The following NOP58 variants were observed in gnomAD, a reference collection of about 807,000 sequenced individuals.
NOP58 encodes NOP58 ribonucleoprotein.
NOP58 carries 44 observed loss-of-function variants against 71.2 expected under a neutral mutation model. The observed-to-expected ratio is 0.62, with a 90% CI of 0.49 to 0.79. The LOEUF is 0.79. Among genes scored for constraint, NOP58 ranks in the 30% least tolerant of loss-of-function variants. NOP58 has a pLI of 0.00. For synonymous variants in NOP58, 228 were observed against 200.3 expected, an observed-to-expected ratio of 1.14 and a Z score of -1.17; for missense variants, 538 against 620.2, an observed-to-expected ratio of 0.87 and a Z score of 1.41.
At chr2:202,303,254 G>A in intron 14 of NOP58, 132 bp from the exon 15 acceptor site, 1 of 1,403,682 alleles carries the variant, frequency 7.1e-7, no homozygotes. Flanking sequence ...TAAAAATCAA[G>A]TTTGCATTGA....
At chr2:202,299,005 G>C (rs1342010964) in intron 12 of NOP58, among the ~76,000 whole-genome samples, 2 of 135,090 alleles carry the variant, frequency 1.5e-5, no homozygotes, top group Non-Finnish European at 3.0e-5. Flanking sequence ...CTGTTGCCAG[G>C]CTGGAGTGCA....
At position 202,284,587 on chromosome 2, in the gene NOP58, C is replaced by A. The variant is rs1688760429; in HGVS notation, c.434+106C>A. ...ATGCTCATTTGAACCACATCAGAAC[C>A]TTATGAAGAAGATGATAGTAATATC... On this transcript the variant is annotated intron_variant, in intron 5 of 14. Transcript: ENST00000264279. 7 of 1,185,192 alleles carry A rather than the reference C, an allele frequency of 5.9e-6. 1 individual carries two copies. Among genetic ancestry groups the A allele is most frequent in the Non-Finnish European group, 4.8e-6 (4 of 842,092 alleles). 73.4% of individuals were successfully genotyped at this position (1,185,192 alleles called of 1,614,324 possible). A position where few individuals can be genotyped will look rare whatever the true frequency, so the allele number is the denominator to read the frequency against.
At position 202,291,126 on chromosome 2, in the gene NOP58, C is replaced by T. The variant is rs780518873; in HGVS notation, c.636C>T (p.Gly212=). ...LTYCKCLQKV[G]DRKNYASAKL... is the part of the protein sequence containing the mutation. The stretch of plus-strand genomic sequence containing the variant: ...TCATCCTCTGCAAACATTCCATAGG[C>T]GATAGGAAGAACTATGCCTCTGCCA... The change falls in exon 8 of 15, where the codon GGC becomes GGT. Residue 212 remains glycine (G), a splice_region_variant and synonymous_variant. Coordinates refer to ENST00000264279, the MANE Select transcript of NOP58 (RefSeq NM_015934.5). 1.9e-6 allele frequency: 3 copies of T among 1,599,976 alleles called. No homozygotes were observed. Among genetic ancestry groups the T allele is most frequent in the South Asian group, 2.3e-5 (2 of 88,134 alleles).
intron 1 of NOP58, among the ~76,000 whole-genome samples, chr2:202,267,303 G>A (rs1444251878): frequency 6.6e-6 from 1 of 152,174 alleles, no homozygotes; most frequent in Non-Finnish European, 1.5e-5. Context: ...TGGTGTGGAT[G>A]CAAGAAAGTC....
rs1344516212 is a variant in NOP58, at chr2:202,284,385, A to G, written c.338A>G (p.Asn113Ser). ...NLSCIHSPVV[N>S]ELMRGIRSQM... The stretch of plus-strand genomic sequence containing the variant: ...AGTTGTATCCATAGTCCTGTTGTTA[A>G]TGAACTTATGAGAGGAATTCGTTCA... The change falls in exon 5 of 15, where the codon AAT (asparagine) becomes AGT (serine). Residue 113 changes from asparagine to serine, a missense_variant. Asn to Ser is a conservative substitution (Grantham distance 46). Coordinates refer to ENST00000264279, the MANE Select transcript of NOP58 (RefSeq NM_015934.5). 16 of 1,613,272 alleles carry G rather than the reference A, an allele frequency of 9.9e-6. No individual in the cohort carries two copies. The highest frequency in any genetic ancestry group is 1.7e-5 in the Admixed American group (1 of 59,956).
At chr2:202,292,986 C>T (rs1301199354) in intron 9 of NOP58, 83 bp downstream of exon 9, 5 of 1,468,982 alleles carry the variant, frequency 3.4e-6, no homozygotes, top group South Asian at 1.1e-5. Context: ...TAAACTACAG[C>T]TGTTAAAGAA....
At chr2:202,269,682 A>C (rs1232995994) in intron 1 of NOP58, among the ~76,000 whole-genome samples, 2 of 152,100 alleles carry the variant, frequency 1.3e-5, no homozygotes, top group Non-Finnish European at 2.9e-5. Flanking sequence ...CAGAGGTTGC[A>C]ATGAGCTGCG....
At chr2:202,280,510 T>G (rs976374669) in intron 3 of NOP58, among the ~76,000 whole-genome samples, 2 of 152,114 alleles carry the variant, frequency 1.3e-5, no homozygotes, top group Non-Finnish European at 2.9e-5. Flanking sequence ...TTTTGTATTT[T>G]TTAGTAGAGA....
Position 202,300,220 on chromosome 2 carries a change from T to G in NOP58, c.1269-14T>G. On this transcript the variant is annotated splice_polypyrimidine_tract_variant and intron_variant, in intron 12 of 14. Transcript: ENST00000264279. ...ACTTGTTAGAGATTTTCTAAAACTT[T>G]TTGGGTCTTTCAGTGAAGTGAAGAC... 9 of 1,571,324 alleles carry G rather than the reference T, an allele frequency of 5.7e-6. No homozygotes were observed. The highest frequency in any genetic ancestry group is 7.7e-6 in the Non-Finnish European group (9 of 1,169,126).
Position 202,287,593 on chromosome 2 carries a change from T to C in NOP58, c.435-67T>C, listed in dbSNP as rs1316389001. ...TAAAAACAAAAACAAAAAAAAACTT[T>C]AAGGTGTTAATTTAAATGCTTTTCC... On this transcript the variant is annotated intron_variant, in intron 5 of 14. Transcript: ENST00000264279. 5 of 1,256,512 alleles carry C rather than the reference T, an allele frequency of 4.0e-6. No individual in the cohort carries two copies. The South Asian group carries it at 4.9e-5, about 12-fold the overall frequency. The allele number at this position is 1,256,512 out of a possible 1,614,324, so 77.8% of individuals were successfully genotyped here. A position where few individuals can be genotyped will look rare whatever the true frequency, so the allele number is the denominator to read the frequency against.
In NOP58 at chr2:202,265,770, C is replaced by T. The variant is rs528077366; in HGVS notation, c.-172C>T. Reference sequence around the variant, plus strand: ...GTAGCGCGTTCGTGCGTCCTAGTTCCAGTACAGCGTGGAGGGTTTAGGCAG... The same window carrying T: ...GTAGCGCGTTCGTGCGTCCTAGTTCTAGTACAGCGTGGAGGGTTTAGGCAG... On this transcript the variant is annotated 5_prime_UTR_variant, in exon 1 of 15. Transcript: ENST00000264279. 3 of 653,000 alleles carry T rather than the reference C, an allele frequency of 4.6e-6. No homozygotes were observed. The African/African-American group carries it at 5.4e-5, about 12-fold the overall frequency. The allele number at this position is 653,000 out of a possible 1,614,324, so 40.5% of individuals were successfully genotyped here.
intron 2 of NOP58, chr2:202,276,513 G>A (rs114509221): frequency 2.3e-4 from 116 of 512,948 alleles, no homozygotes; most frequent in African/African-American, 1.4e-3. Flanking sequence ...CTGAGACAAC[G>A]ATGAATCAAC....
intron 6 of NOP58, 57 bp downstream of exon 6, chr2:202,287,781 A>T: frequency 8.3e-7 from 1 of 1,199,428 alleles, no homozygotes; most frequent in Non-Finnish European, 1.2e-6. Flanking sequence ...GCGTTTTCAT[A>T]CTGTTGAAAC....
rs749139063 is a variant in NOP58, at chr2:202,297,834, TTTC to T, written c.1207-5_1207-3del. The T allele has an allele frequency of 2.0e-6, 3 of 1,509,898 alleles. No homozygotes were observed. Among genetic ancestry groups the T allele is most frequent in the East Asian group, 2.3e-5 (1 of 43,980 alleles). 93.5% of individuals were successfully genotyped at this position (1,509,898 alleles called of 1,614,324 possible). ...TAGAAGTGTATTTGTAATTTTTCGT[TTTC>T]TTCTTAGATAAGAAAAATAAGTGGA... On this transcript the variant is annotated splice_polypyrimidine_tract_variant and splice_region_variant and intron_variant, in intron 11 of 14. Transcript: ENST00000264279.
rs755259598 is a variant in NOP58, at chr2:202,295,868, G to A, written c.1071+31G>A. 6 of 1,485,256 alleles carry A rather than the reference G, an allele frequency of 4.0e-6. No homozygotes were observed. The South Asian group carries it at 5.7e-5, about 14-fold the overall frequency. The allele number at this position is 1,485,256 out of a possible 1,614,324, so 92.0% of individuals were successfully genotyped here. ...TTATAGGGTTTTGCTTTGTTTTTGA[G>A]GTTAGACTTTTTCATTTTTTACAAC... On this transcript the variant is annotated intron_variant, in intron 10 of 14. Coordinates refer to ENST00000264279, the MANE Select transcript of NOP58 (RefSeq NM_015934.5).
At chr2:202,302,035 G>T (rs1288330343) in intron 13 of NOP58, among the ~76,000 whole-genome samples, 1 of 143,440 alleles carries the variant, frequency 7.0e-6, no homozygotes, top group African/African-American at 2.6e-5. Flanking sequence ...ATATTATTTG[G>T]TTGCTGAATT....
intron 9 of NOP58, among the ~76,000 whole-genome samples, chr2:202,293,344 G>A (rs1003054687): frequency 1.3e-5 from 2 of 152,076 alleles, no homozygotes; most frequent in African/African-American, 4.8e-5. Flanking sequence ...ACTATTGAGT[G>A]TGAGGATGTA....
At chr2:202,293,175 C>A in intron 9 of NOP58, 1 of 632,120 alleles carries the variant, frequency 1.6e-6, no homozygotes, top group Non-Finnish European at 3.0e-6. Flanking sequence ...TTAATTAGAA[C>A]AATCGGATGA....
At chr2:202,279,909 C>G (rs146275336) in intron 3 of NOP58, among the ~76,000 whole-genome samples, 2 of 152,290 alleles carry the variant, frequency 1.3e-5, no homozygotes, top group Non-Finnish European at 2.9e-5. Context: ...CTGTTCTGTA[C>G]TGTCAAATTC....
Sources: gnomAD v4.1 joint callset for allele counts (sites outside exome capture counted in the v4.1 genomes callset) on GRCh38, gnomAD v4.1.1 for gene constraint, MANE v1.5 for transcripts, NCBI Gene and HGNC (gene_info 2026-07-23, HGNC 2026-07-21) for gene names.